Variants in ATF6 observed in about 807,000 individuals in gnomAD.
The protein encoded by ATF6 is activating transcription factor 6.
In ATF6, 53 loss-of-function variants were observed where a neutral mutation model predicts 83.6. The ratio of observed to expected loss-of-function variants is 0.63; its 90% confidence interval spans 0.51 to 0.80. The LOEUF (loss-of-function observed/expected upper bound fraction) is 0.80, where lower values mean the gene tolerates loss of function less well. Ranked by LOEUF, ATF6 falls within the 30% of genes least tolerant of loss-of-function variation. The probability of loss-of-function intolerance (pLI) is 0.00; values close to 1 mark genes in which losing one functional copy is unlikely to be tolerated. For synonymous variants in ATF6, 288 were observed against 285.8 expected (o/e 1.01, Z -0.08); for missense variants, 744 against 797.9 (o/e 0.93, Z 0.81).
chr1:161,819,888 T>C, intron 8 of ATF6, 70 bp downstream of exon 8: 1 of 1,310,018 alleles, frequency 7.6e-7, no homozygotes. Flanking sequence ...TAGAGAAACT[T>C]TTACATTTTA....
chr1:161,946,904 A>G (rs1442719181), intron 15 of ATF6, among the ~76,000 whole-genome samples: 3 of 152,190 alleles, frequency 2.0e-5, no homozygotes, highest in Non-Finnish European at 4.4e-5. Context: ...AAGATATGAC[A>G]TTTATTCATC....
chr1:161,888,825 A>T (rs1345727654), intron 14 of ATF6, among the ~76,000 whole-genome samples: 1 of 152,076 alleles, frequency 6.6e-6, no homozygotes, highest in African/African-American at 2.4e-5. Context: ...TATTAAATCC[A>T]AGTTCCTTAA....
intron 15 of ATF6, among the ~76,000 whole-genome samples, chr1:161,945,948 T>TA (rs1184085918): frequency 1.3e-5 from 2 of 152,154 alleles, no homozygotes; most frequent in Non-Finnish European, 2.9e-5. Flanking sequence ...CTTAAGTACT[T>TA]ACGTAAGATG....
intron 4 of ATF6, among the ~76,000 whole-genome samples, chr1:161,789,606 T>G (rs953681331): frequency 2.0e-5 from 3 of 152,194 alleles, no homozygotes; most frequent in Non-Finnish European, 4.4e-5. Flanking sequence ...CTTCTTTTAG[T>G]GTAATTATAC....
At chr1:161,861,039 A>G (rs1686875198) in intron 13 of ATF6, among the ~76,000 whole-genome samples, 1 of 152,204 alleles carries the variant, frequency 6.6e-6, no homozygotes, top group Non-Finnish European at 1.5e-5. Flanking sequence ...TTTCTCATCT[A>G]CAAAATGCTG....
At chr1:161,782,313 C>G (rs1482880821) in intron 3 of ATF6, among the ~76,000 whole-genome samples, 1 of 152,126 alleles carries the variant, frequency 6.6e-6, no homozygotes, top group Non-Finnish European at 1.5e-5. Flanking sequence ...CTTAGGGAAT[C>G]AAAGGGAAGA....
At chr1:161,791,748 A>G (rs111418331) in intron 5 of ATF6, among the ~76,000 whole-genome samples, 5 of 152,336 alleles carry the variant, frequency 3.3e-5, no homozygotes, top group African/African-American at 1.2e-4. Context: ...CAGGTGAAAG[A>G]TACTTTAAAA....
At chr1:161,808,138 C>A (rs1191830386) in intron 7 of ATF6, among the ~76,000 whole-genome samples, 1 of 151,962 alleles carries the variant, frequency 6.6e-6, no homozygotes, top group East Asian at 1.9e-4. Context: ...CCTCGGCCTC[C>A]CAAAGTGCTG....
At chr1:161,862,663 G>T (rs1686909410) in intron 13 of ATF6, among the ~76,000 whole-genome samples, 1 of 152,068 alleles carries the variant, frequency 6.6e-6, no homozygotes, top group Non-Finnish European at 1.5e-5. Context: ...TTTTATTGAG[G>T]AGGAAACAGT....
intron 15 of ATF6, among the ~76,000 whole-genome samples, chr1:161,931,160 C>T (rs994253036): frequency 6.6e-6 from 1 of 152,200 alleles, no homozygotes; most frequent in Non-Finnish European, 1.5e-5. Context: ...CAGGCGTGAG[C>T]CACCGCACCT....
chr1:161,788,214 T>C (rs191942315), intron 4 of ATF6, among the ~76,000 whole-genome samples: 1 of 152,362 alleles, frequency 6.6e-6, no homozygotes, highest in African/African-American at 2.4e-5. Context: ...CTCCTGATAC[T>C]TGGCATTGTC....
At chr1:161,917,924 A>G (rs1688133890) in intron 15 of ATF6, among the ~76,000 whole-genome samples, 1 of 152,208 alleles carries the variant, frequency 6.6e-6, no homozygotes, top group Non-Finnish European at 1.5e-5. Context: ...TAATGCCTCA[A>G]GAAAGTAATT....
chr1:161,954,106 T>C lies in ATF6; in HGVS notation c.1805-4340T>C, dbSNP rs145670949. Among the ~76,000 whole-genome samples, 30 of 152,184 alleles carry C rather than the reference T, an allele frequency of 2.0e-4. No individual in the cohort carries two copies. The East Asian group carries it at 5.6e-3, about 28-fold the overall frequency. ...GGAAAAAATACTAACAGAAATGCAG[T>C]GCATGGTGTGTAGGGATGGTCAAAA... is the stretch of plus-strand genomic sequence containing the variant. On this transcript the variant is annotated intron_variant, in intron 15 of 15. Transcript: ENST00000367942.
At chr1:161,879,696 G>A (rs1394053356) in intron 14 of ATF6, among the ~76,000 whole-genome samples, 1 of 151,976 alleles carries the variant, frequency 6.6e-6, no homozygotes, top group Non-Finnish European at 1.5e-5. Context: ...TAGTCACACT[G>A]TATTATTATA....
intron 14 of ATF6, among the ~76,000 whole-genome samples, chr1:161,910,251 T>A (rs1687963553): frequency 6.6e-6 from 1 of 152,154 alleles, no homozygotes; most frequent in Admixed American, 6.5e-5. Context: ...ACTGTTAGAG[T>A]TGGTAGTATA....
At chr1:161,899,293 A>G (rs772885791) in intron 14 of ATF6, among the ~76,000 whole-genome samples, 27 of 152,222 alleles carry the variant, frequency 1.8e-4, no homozygotes, top group Non-Finnish European at 2.8e-4. Flanking sequence ...AAGTTATTCC[A>G]AACATTTGTA....
At chr1:161,909,387 G>A (rs529933240) in intron 14 of ATF6, among the ~76,000 whole-genome samples, 11 of 152,218 alleles carry the variant, frequency 7.2e-5, no homozygotes, top group African/African-American at 2.6e-4. Context: ...TGACCAGACC[G>A]TGTAGCCTTA....
intron 7 of ATF6, among the ~76,000 whole-genome samples, chr1:161,818,249 A>G (rs530681421): frequency 1.3e-5 from 2 of 152,334 alleles, no homozygotes; most frequent in Admixed American, 1.3e-4. Context: ...GTGTACTCAT[A>G]CTAATCAATG....
rs1685163927 is a variant in ATF6, at chr1:161,802,114, T to G, written c.751T>G (p.Ser251Ala). 6.2e-7 allele frequency: 1 copy of G among 1,614,030 alleles called. No homozygotes were observed. The highest frequency in any genetic ancestry group is 1.3e-5 in the African/African-American group (1 of 74,938). The stretch of plus-strand genomic sequence containing the variant: ...ACTTCAAGCACCTGGAGTTCTGCCC[T>G]CTGCTCAGCCAGTCCTTGCTGTTGC... ...VQLQAPGVLPSAQPVLAVAGG... is the reference protein window; with the variant it reads ...VQLQAPGVLPAAQPVLAVAGG... The change falls in exon 7 of 16, where the codon TCT becomes GCT. Residue 251 changes from serine (S) to alanine (A), a missense_variant. Coordinates refer to ENST00000367942, the MANE Select transcript of ATF6 (RefSeq NM_007348.4).
Sources: allele counts gnomAD v4.1 joint callset (sites outside exome capture counted in the v4.1 genomes callset), GRCh38; gene constraint gnomAD v4.1.1; transcripts MANE v1.5; gene names NCBI Gene and HGNC (gene_info 2026-07-23, HGNC 2026-07-21).